The following AHRR variants were observed in gnomAD, a reference collection of about 807,000 sequenced individuals.
AHRR encodes ahR repressor.
In AHRR, 28 loss-of-function variants were observed where a neutral mutation model predicts 44.0. The observed-to-expected ratio is 0.64, with a 90% CI of 0.47 to 0.87. The LOEUF is 0.87. Ranked by LOEUF, AHRR falls within the 40% of genes least tolerant of loss-of-function variation. The probability of loss-of-function intolerance (pLI) is 0.00; values close to 1 mark genes in which losing one functional copy is unlikely to be tolerated. For synonymous variants in AHRR, 434 were observed against 407.0 expected, an observed-to-expected ratio of 1.07 and a Z score of -0.80; for missense variants, 990 against 953.9, an observed-to-expected ratio of 1.04 and a Z score of -0.50.
At chr5:408,453 T>C (rs1419169282) in intron 4 of AHRR, among the ~76,000 whole-genome samples, 3 of 152,272 alleles carry the variant, frequency 2.0e-5, no homozygotes, top group African/African-American at 7.2e-5. Context: ...ATAATCATTT[T>C]CCCCCTCAGA....
At chr5:335,277 G>T (rs1441415497) in intron 1 of AHRR, among the ~76,000 whole-genome samples, 1 of 152,194 alleles carries the variant, frequency 6.6e-6, no homozygotes, top group African/African-American at 2.4e-5. Flanking sequence ...AATGGTGGTG[G>T]CAGTGGTGGT....
rs1742200205 is a variant in AHRR at position 337,937 on chromosome 5, G to T, written c.-10-5956G>T. On this transcript the variant is annotated intron_variant, in intron 1 of 10. Transcript: ENST00000684583. The surrounding 1 kb of genome is among the most constrained non-coding windows in gnomAD (Gnocchi z 4.1). ...CTCCTCTAGGACCGTATTCAGGCCA[G>T]TGCAACATCATGCCCTCTATAGGAA... Among the ~76,000 whole-genome samples, 1 of 152,250 alleles carries T rather than the reference G, an allele frequency of 6.6e-6. No individual in the cohort carries two copies. Among genetic ancestry groups the T allele is most frequent in the Non-Finnish European group, 1.5e-5 (1 of 68,046 alleles).
In AHRR at chr5:406,637, G is replaced by T. The variant is rs976459079; in HGVS notation, c.352-6707G>T. Among the ~76,000 whole-genome samples the T allele has an allele frequency of 1.2e-4, 18 of 152,178 alleles. No homozygotes were observed. The highest frequency in any genetic ancestry group is 1.8e-4 in the Non-Finnish European group (12 of 68,032). Reference sequence around the variant, plus strand: ...GTTAATTCACAGAGGTTAGGAAAACGCTGGTGCAAAAATACGATGCAGGCA... The same window carrying T: ...GTTAATTCACAGAGGTTAGGAAAACTCTGGTGCAAAAATACGATGCAGGCA... On this transcript the variant is annotated intron_variant, in intron 4 of 10. Transcript: ENST00000684583. This position sits in a 1 kb window ranked among gnomAD's most constrained non-coding sequence, Gnocchi z 4.7.
chr5:423,825 C>T lies in AHRR; in HGVS notation c.572-16C>T. 1 of 1,590,066 alleles carries T rather than the reference C, an allele frequency of 6.3e-7. No homozygotes were observed. Among genetic ancestry groups the T allele is most frequent in the East Asian group, 2.2e-5 (1 of 44,568 alleles). On this transcript the variant is annotated splice_polypyrimidine_tract_variant and intron_variant, in intron 6 of 10. Transcript: ENST00000684583. ...CTTCTCCCACCGCCACGCCCCTTGG[C>T]CCCTATGGTCTGCAGGAGATGATGC...
At chr5:355,414 C>G (rs920770336) in intron 3 of AHRR, among the ~76,000 whole-genome samples, 2 of 152,162 alleles carry the variant, frequency 1.3e-5, no homozygotes, top group African/African-American at 2.4e-5. Context: ...GAGGGCAGTC[C>G]CCGTGTCTGG....
intron 5 of AHRR, chr5:418,699 C>CAGT (rs1735938811): frequency 1.3e-5 from 2 of 152,220 alleles, no homozygotes; most frequent in Non-Finnish European, 2.9e-5. Flanking sequence ...TGTAGGTCAG[C>CAGT]AGGGCGGGAC....
At chr5:354,454 G>T (rs1742973377) in intron 3 of AHRR, among the ~76,000 whole-genome samples, 1 of 152,186 alleles carries the variant, frequency 6.6e-6, no homozygotes, top group African/African-American at 2.4e-5. Flanking sequence ...CTGCCCTCTC[G>T]TGGGGAGGGG....
intron 5 of AHRR, among the ~76,000 whole-genome samples, chr5:417,976 G>T: frequency 6.6e-6 from 1 of 152,200 alleles, no homozygotes; most frequent in African/African-American, 2.4e-5. Context: ...GGCTTTAGGC[G>T]TATATTTTAG....
chr5:346,510 C>T (rs977746542), intron 2 of AHRR, among the ~76,000 whole-genome samples: 35 of 152,204 alleles, frequency 2.3e-4, no homozygotes, highest in African/African-American at 8.2e-4. Flanking sequence ...GCTATTTCCT[C>T]TCCTTATTTA....
intron 5 of AHRR, among the ~76,000 whole-genome samples, chr5:415,527 C>CTGTGCAGAGCAGCAGGCAGTGGAAGCCA: frequency 2.9e-5 from 4 of 137,244 alleles, no homozygotes; most frequent in Non-Finnish European, 6.1e-5. Context: ...GGCCTAGGGG[C>CTGTGCAGAGCAGCAGGCAGTGGAAGCCA]CGAGTCTGCC....
In AHRR at chr5:427,930, G is replaced by T. The variant is rs199509403; in HGVS notation, c.832G>T (p.Ala278Ser). Residue 278 changes from alanine (A) to serine (S), a missense_variant, in exon 8 of 11, where the codon GCA becomes TCA. Transcript: ENST00000684583. ...CIAAPVLLPS[A>S]AEMKMRSALL... ...TGCGGCACCCGTTCTCCTCCCCTCC[G>T]CAGCGGAGATGAAAATGAGGAGCGC... 15 of 1,614,048 alleles carry T rather than the reference G, an allele frequency of 9.3e-6. No individual in the cohort carries two copies. In the East Asian group the frequency reaches 2.7e-4, roughly 29 times the overall value.
chr5:398,422 C>T (rs968821412), intron 4 of AHRR, among the ~76,000 whole-genome samples: 1 of 149,358 alleles, frequency 6.7e-6, no homozygotes, highest in Middle Eastern at 3.5e-3. Flanking sequence ...AGCCCCTGAC[C>T]ATCCACATAA....
At chr5:376,561 G>GGGAGAA in intron 3 of AHRR, 49 bp from the exon 4 acceptor site, 1 of 1,479,910 alleles carries the variant, frequency 6.8e-7, no homozygotes, top group Non-Finnish European at 9.1e-7. Context: ...AAGAAGAGTG[G>GGGAGAA]CCAGGCCAAG....
At chr5:330,669 G>A (rs1300489061) in intron 1 of AHRR, among the ~76,000 whole-genome samples, 3 of 151,662 alleles carry the variant, frequency 2.0e-5, no homozygotes, top group African/African-American at 4.8e-5. Flanking sequence ...TGTGCGCCGC[G>A]GAGGATTTTT....
At chr5:433,463 C>G (rs1296969846) in intron 10 of AHRR, among the ~76,000 whole-genome samples, 1 of 152,236 alleles carries the variant, frequency 6.6e-6, no homozygotes, top group Non-Finnish European at 1.5e-5. Context: ...AGAGCTTGGC[C>G]ACAGAAACTG....
At chr5:382,266 G>A (rs1427236615) in intron 4 of AHRR, among the ~76,000 whole-genome samples, 2 of 152,184 alleles carry the variant, frequency 1.3e-5, no homozygotes, top group African/African-American at 4.8e-5. Context: ...GAAATGTTTG[G>A]TAGAATTCAT....
In AHRR at chr5:353,822, C is replaced by T. The variant is rs372984195; in HGVS notation, c.155C>T (p.Pro52Leu). The T allele has an allele frequency of 8.1e-6, 13 of 1,614,092 alleles. No homozygotes were observed. Among genetic ancestry groups the T allele is most frequent in the Middle Eastern group, 3.3e-4 (2 of 6,060 alleles). Residue 52 changes from proline (P) to leucine (L), a missense_variant, in exon 3 of 11, where the codon CCG becomes CTG. By Grantham distance (98) the Pro-to-Leu change is moderately conservative (BLOSUM62 -3). Transcript: ENST00000684583. ...AELDHLASLL[P>L]FPPDIISKLD... ...TTGGACCACCTGGCCAGCCTGCTGCCGTTCCCGCCTGACATCATCTCCAAG... is the reference window on the plus strand; with the variant it reads ...TTGGACCACCTGGCCAGCCTGCTGCTGTTCCCGCCTGACATCATCTCCAAG...
chr5:323,979 TCCTTCCTA>T (rs1448856331), intron 1 of AHRR, among the ~76,000 whole-genome samples: 4 of 151,730 alleles, frequency 2.6e-5, no homozygotes, highest in African/African-American at 7.3e-5. Flanking sequence ...CTTCCCTCCT[TCCTTCCTA>T]CCTTCCTTTC....
chr5:360,134 G>A (rs538395715), intron 3 of AHRR, among the ~76,000 whole-genome samples: 10 of 152,228 alleles, frequency 6.6e-5, no homozygotes, highest in African/African-American at 2.4e-4. Flanking sequence ...AGTGGGGGTG[G>A]GGGGTGGCCT....
Sources: gnomAD v4.1 joint callset for allele counts (sites outside exome capture counted in the v4.1 genomes callset) on GRCh38, gnomAD v4.1.1 for gene constraint, Gnocchi (gnomAD v3.1) non-coding constraint, MANE v1.5 for transcripts, NCBI Gene and HGNC (gene_info 2026-07-23, HGNC 2026-07-21) for gene names.